IQCH: variants seen among roughly 807,000 people sequenced by gnomAD.
IQCH encodes the protein IQ domain-containing protein H.
IQCH carries 98 observed loss-of-function variants against 117.0 expected under a neutral mutation model. The ratio of observed to expected loss-of-function variants is 0.84; its 90% CI spans 0.71 to 0.99. The LOEUF (loss-of-function observed/expected upper bound fraction) is 0.99. Among genes scored for constraint, IQCH ranks in the 50% least tolerant of loss-of-function variants. IQCH has a pLI of 0.00. For synonymous variants in IQCH, 412 were observed against 448.2 expected (o/e 0.92, Z 1.02); for missense variants, 1,102 against 1,243.8 (o/e 0.89, Z 1.72).
At position 67,370,627 on chromosome 15, in the gene IQCH, T is replaced by C; in HGVS notation, c.754-1484T>C. 6.6e-6 allele frequency among the ~76,000 whole-genome samples: 1 copy of C among 152,178 alleles called. No homozygotes were observed. Among genetic ancestry groups the C allele is most frequent in the East Asian group, 1.9e-4 (1 of 5,198 alleles). On this transcript the variant is annotated intron_variant, in intron 8 of 20. Coordinates refer to ENST00000335894, the MANE Select transcript of IQCH (RefSeq NM_001031715.3). The surrounding 1 kb of genome is among the most constrained non-coding windows in gnomAD (Gnocchi z 5.6). ...GCCCATCCAAGAAGAAGGAATTTAT[T>C]TTCATCTACCAAGTAGCTTGCATTC...
chr15:67,314,397 C>T (rs939287601), intron 4 of IQCH, among the ~76,000 whole-genome samples: 72 of 150,130 alleles, frequency 4.8e-4, no homozygotes, highest in Admixed American at 1.8e-3. Context: ...TCTAATAATG[C>T]ACAGAAATGC....
chr15:67,305,692 T>C (rs953614338), intron 4 of IQCH, among the ~76,000 whole-genome samples: 2 of 152,110 alleles, frequency 1.3e-5, no homozygotes, highest in African/African-American at 4.8e-5. Context: ...AGGCAACTGC[T>C]GTGTTTCATG....
chr15:67,400,049 T>C (rs1360411390), intron 13 of IQCH, 65 bp from the exon 14 acceptor site: 65 of 1,324,922 alleles, frequency 4.9e-5, no homozygotes, highest in Non-Finnish European at 6.6e-5. Context: ...AACTAAGTTG[T>C]TACGATAAAA....
Position 67,416,840 on chromosome 15 carries a change from C to T in IQCH, c.2098-91C>T. 1 of 1,065,382 alleles carries T rather than the reference C, an allele frequency of 9.4e-7. No homozygotes were observed. 66.0% of individuals were successfully genotyped at this position (1,065,382 alleles called of 1,614,324 possible). ...GTAAACAGTAACCACATTTTTTTTGCCTGTTGGAGGCCTGGTTTTTAATCA... is the reference window on the plus strand; with the variant it reads ...GTAAACAGTAACCACATTTTTTTTGTCTGTTGGAGGCCTGGTTTTTAATCA... On this transcript the variant is annotated intron_variant, in intron 14 of 20. Coordinates refer to ENST00000335894, the MANE Select transcript of IQCH (RefSeq NM_001031715.3). This position sits in a 1 kb window ranked among gnomAD's most constrained non-coding sequence, Gnocchi z 5.1.
chr15:67,352,913 T>A (rs1969726494), intron 6 of IQCH, among the ~76,000 whole-genome samples: 1 of 152,078 alleles, frequency 6.6e-6, no homozygotes, highest in Non-Finnish European at 1.5e-5. Flanking sequence ...TTTGGGAGGC[T>A]AAGGTGGGTG....
chr15:67,324,499 A>G (rs576329713), intron 4 of IQCH, among the ~76,000 whole-genome samples: 64 of 151,532 alleles, frequency 4.2e-4, no homozygotes, highest in African/African-American at 1.5e-3. Context: ...TATCTCAGCT[A>G]CTCAGGAGGC....
chr15:67,341,471 A>G (rs931661789), intron 5 of IQCH, among the ~76,000 whole-genome samples: 1 of 152,212 alleles, frequency 6.6e-6, no homozygotes, highest in Admixed American at 6.5e-5. Flanking sequence ...ACTAAAAAGA[A>G]AAACAAATTA....
At chr15:67,487,202 A>T (rs937527693) in intron 18 of IQCH, among the ~76,000 whole-genome samples, 1 of 152,146 alleles carries the variant, frequency 6.6e-6, no homozygotes, top group African/African-American at 2.4e-5. Flanking sequence ...ACGTGGTGCC[A>T]TGCGCCTGTA....
At position 67,413,461 on chromosome 15, in the gene IQCH, A is replaced by T. The variant is rs2081500702; in HGVS notation, c.2098-3470A>T. On this transcript the variant is annotated intron_variant, in intron 14 of 20. Coordinates refer to ENST00000335894, the MANE Select transcript of IQCH (RefSeq NM_001031715.3). This position sits in a 1 kb window ranked among gnomAD's most constrained non-coding sequence, Gnocchi z 5.0. ...GGTTGTTTTGTTGGGGGGATAAAAT[A>T]AAATGAAGCTTTTACCAAGAATGTC... is the stretch of plus-strand genomic sequence containing the variant. The T allele has an allele frequency of 6.6e-6, 1 of 152,174 alleles. No homozygotes were observed. Among genetic ancestry groups the T allele is most frequent in the Admixed American group, 6.5e-5 (1 of 15,270 alleles). The allele number at this position is 152,174 out of a possible 1,614,324, so 9.4% of individuals were successfully genotyped here. A position where few individuals can be genotyped will look rare whatever the true frequency, so the allele number is the denominator to read the frequency against.
At chr15:67,470,556 G>A (rs1056195989) in intron 17 of IQCH, among the ~76,000 whole-genome samples, 5 of 152,108 alleles carry the variant, frequency 3.3e-5, no homozygotes, top group Non-Finnish European at 7.4e-5. Flanking sequence ...CAAATAACAC[G>A]GCATGGAAAA....
chr15:67,316,474 C>G (rs1316493723), intron 4 of IQCH, among the ~76,000 whole-genome samples: 2 of 152,168 alleles, frequency 1.3e-5, no homozygotes, highest in East Asian at 1.9e-4. Context: ...GTACCTATCA[C>G]CAACTTTCTA....
At chr15:67,257,301 A>G (rs1464633273) in intron 1 of IQCH, among the ~76,000 whole-genome samples, 2 of 152,214 alleles carry the variant, frequency 1.3e-5, no homozygotes, top group Non-Finnish European at 2.9e-5. Flanking sequence ...AGCCTAGGCA[A>G]TCAAATTGTT....
Position 67,465,513 on chromosome 15 carries a change from G to A in IQCH, c.2676+216G>A, listed in dbSNP as rs533754013. Among the ~76,000 whole-genome samples the A allele has an allele frequency of 1.3e-5, 2 of 152,264 alleles. No homozygotes were observed. Among genetic ancestry groups the A allele is most frequent in the East Asian group, 3.9e-4 (2 of 5,182 alleles). On this transcript the variant is annotated intron_variant, in intron 17 of 20. Coordinates refer to ENST00000335894, the MANE Select transcript of IQCH (RefSeq NM_001031715.3). This position sits in a 1 kb window ranked among gnomAD's most constrained non-coding sequence, Gnocchi z 5.9. ...GAATGAACCTGCCATCTGTGGAAAT[G>A]CGAAAGAGCATGGGGCTCTCCTCCC...
In IQCH at chr15:67,267,299, G is replaced by A. The variant is rs142140323; in HGVS notation, c.269+4083G>A. Reference sequence around the variant, plus strand: ...CTATTTGAGAGACAACAGGTCTAGAGTGATGGTTCTCAAACTTTTATTTGC... The same window carrying A: ...CTATTTGAGAGACAACAGGTCTAGAATGATGGTTCTCAAACTTTTATTTGC... On this transcript the variant is annotated intron_variant, in intron 3 of 20. Coordinates refer to ENST00000335894, the MANE Select transcript of IQCH (RefSeq NM_001031715.3). Among the ~76,000 whole-genome samples the A allele has an allele frequency of 1.7e-4, 26 of 152,340 alleles. No individual in the cohort carries two copies. In the East Asian group the frequency reaches 4.4e-3, roughly 26 times the overall value.
Position 67,327,220 on chromosome 15 carries a change from A to C in IQCH, c.388-9755A>C, listed in dbSNP as rs376801369. ...ATAAGGAAATTCAGAGACAAAATCAAGTAAATATGATTTCTTTTTTCAATT... is the reference window on the plus strand; with the variant it reads ...ATAAGGAAATTCAGAGACAAAATCACGTAAATATGATTTCTTTTTTCAATT... On this transcript the variant is annotated intron_variant, in intron 4 of 20. Transcript: ENST00000335894. 4.3e-4 allele frequency among the ~76,000 whole-genome samples: 65 copies of C among 152,342 alleles called. 1 individual carries two copies. In the South Asian group the frequency reaches 0.013, roughly 31 times the overall value.
chr15:67,354,847 A>C (rs1256485890), intron 6 of IQCH, among the ~76,000 whole-genome samples: 1 of 152,156 alleles, frequency 6.6e-6, no homozygotes, highest in African/African-American at 2.4e-5. Flanking sequence ...TTTAATCTTC[A>C]TGCTTGCCAC....
Position 67,472,619 on chromosome 15 carries a change from T to C in IQCH, c.2677-3077T>C, listed in dbSNP as rs951218723. Among the ~76,000 whole-genome samples, 3 of 152,210 alleles carry C rather than the reference T, an allele frequency of 2.0e-5. No homozygotes were observed. The highest frequency in any genetic ancestry group is 7.2e-5 in the African/African-American group (3 of 41,450). On this transcript the variant is annotated intron_variant, in intron 17 of 20. Transcript: ENST00000335894. The surrounding 1 kb of genome is among the most constrained non-coding windows in gnomAD (Gnocchi z 4.3). ...TCCAGGCACTGCAGTAGGTGCTTATTTAATCATCAGAAGACAGAATTTCAA... is the reference window on the plus strand; with the variant it reads ...TCCAGGCACTGCAGTAGGTGCTTATCTAATCATCAGAAGACAGAATTTCAA...
intron 3 of IQCH, among the ~76,000 whole-genome samples, chr15:67,268,750 A>G (rs956265103): frequency 6.6e-6 from 1 of 152,132 alleles, no homozygotes. Flanking sequence ...GTGCAGTTAT[A>G]TACGATATGA....
intron 18 of IQCH, among the ~76,000 whole-genome samples, chr15:67,484,967 T>A (rs929350611): frequency 6.6e-6 from 1 of 151,750 alleles, no homozygotes; most frequent in Non-Finnish European, 1.5e-5. Context: ...AAGAAAAAGA[T>A]CCACAGGTGA....
Sources: gnomAD v4.1 joint callset for allele counts (sites outside exome capture counted in the v4.1 genomes callset) on GRCh38, gnomAD v4.1.1 for gene constraint, Gnocchi (gnomAD v3.1) non-coding constraint, MANE v1.5 for transcripts, NCBI Gene and HGNC (gene_info 2026-07-23, HGNC 2026-07-21) for gene names.